The following FBXL17 variants were observed in gnomAD, a reference collection of about 807,000 sequenced individuals.
FBXL17 encodes F-box and leucine rich repeat protein 17.
Under a neutral mutation model 66.2 loss-of-function variants are expected in FBXL17, and 22 were observed. The observed-to-expected ratio is 0.33, with a 90% CI of 0.24 to 0.47. The LOEUF is 0.47. Among genes scored for constraint, FBXL17 ranks in the 20% least tolerant of loss-of-function variants. The pLI is 1.00. For synonymous variants in FBXL17, 474 were observed against 400.5 expected (o/e 1.18, Z -2.19); for missense variants, 878 against 948.2 (o/e 0.93, Z 0.97).
At chr5:108,351,525 A>G (rs1396092677) in intron 3 of FBXL17, among the ~76,000 whole-genome samples, 1 of 152,182 alleles carries the variant, frequency 6.6e-6, no homozygotes, top group Non-Finnish European at 1.5e-5. Context: ...TACAGGGAGC[A>G]AGCAATCTTT....
chr5:108,080,911 A>G (rs375785173), intron 6 of FBXL17, among the ~76,000 whole-genome samples: 9 of 152,330 alleles, frequency 5.9e-5, no homozygotes, highest in African/African-American at 1.9e-4. Flanking sequence ...AGACCTAAAA[A>G]GGTGCCAGAC....
intron 6 of FBXL17, among the ~76,000 whole-genome samples, chr5:108,030,558 T>C (rs1246145851): frequency 6.6e-6 from 1 of 152,160 alleles, no homozygotes; most frequent in African/African-American, 2.4e-5. Context: ...CTTTGGCGTA[T>C]TTTGAAATGA....
At chr5:107,925,920 A>T (rs1216035987) in intron 7 of FBXL17, among the ~76,000 whole-genome samples, 1 of 152,200 alleles carries the variant, frequency 6.6e-6, no homozygotes, top group Admixed American at 6.6e-5. Context: ...ATGCTTTCAC[A>T]GACTTTTTTG....
intron 4 of FBXL17, among the ~76,000 whole-genome samples, chr5:108,316,517 T>C (rs1036607522): frequency 5.3e-5 from 8 of 151,442 alleles, no homozygotes; most frequent in African/African-American, 1.9e-4. Context: ...AAGTATATCA[T>C]ATAAATAATA....
intron 6 of FBXL17, among the ~76,000 whole-genome samples, chr5:108,031,917 T>C (rs1746659384): frequency 6.6e-6 from 1 of 152,158 alleles, no homozygotes. Context: ...GTCTCTTCTA[T>C]AAAATGGAAA....
intron 4 of FBXL17, chr5:108,299,556 A>G (rs1366056628): frequency 2.1e-6 from 2 of 965,020 alleles, no homozygotes; most frequent in African/African-American, 3.5e-5. Context: ...AGATAAAGAT[A>G]TATTTTTCCA....
At chr5:108,272,718 T>G (rs1757326447) in intron 4 of FBXL17, among the ~76,000 whole-genome samples, 2 of 152,194 alleles carry the variant, frequency 1.3e-5, no homozygotes, top group South Asian at 2.1e-4. Flanking sequence ...CTCATTTAAC[T>G]TAGGATAAAA....
chr5:108,347,973 T>C (rs76268046), intron 4 of FBXL17, among the ~76,000 whole-genome samples: 2,026 of 152,286 alleles, frequency 0.013, 45 homozygotes, highest in African/African-American at 0.047. Flanking sequence ...CCATTTTTTA[T>C]GATACTAAGT....
At chr5:108,371,783 T>C (rs1749055268) in intron 1 of FBXL17, among the ~76,000 whole-genome samples, 2 of 152,192 alleles carry the variant, frequency 1.3e-5, no homozygotes, top group Admixed American at 6.5e-5. Flanking sequence ...TAATGACATT[T>C]TAAAATTCAC....
At chr5:107,980,664 A>ATATATATATTTTTTTTTTTTTT in intron 7 of FBXL17, among the ~76,000 whole-genome samples, 3 of 62,106 alleles carry the variant, frequency 4.8e-5, no homozygotes, top group African/African-American at 3.1e-4. Flanking sequence ...ATATATATAT[A>ATATATATATTTTTTTTTTTTTT]TTTTTTTTTT....
chr5:107,993,730 T>G (rs540687086), intron 7 of FBXL17, among the ~76,000 whole-genome samples: 2 of 152,366 alleles, frequency 1.3e-5, no homozygotes, highest in African/African-American at 4.8e-5. Flanking sequence ...ACACATTTTA[T>G]CATTTTTCAG....
chr5:107,882,455 C>T (rs939677297), intron 7 of FBXL17, among the ~76,000 whole-genome samples: 1 of 151,962 alleles, frequency 6.6e-6, no homozygotes, highest in African/African-American at 2.4e-5. Context: ...CAATCATGAT[C>T]CCAGTGTTTT....
At chr5:108,104,063 T>G (rs895299398) in intron 6 of FBXL17, among the ~76,000 whole-genome samples, 2 of 152,160 alleles carry the variant, frequency 1.3e-5, no homozygotes, top group Admixed American at 1.3e-4. Context: ...GAGATGCAGC[T>G]TCACTCTTGT....
chr5:107,928,637 T>C (rs1185324087), intron 7 of FBXL17, among the ~76,000 whole-genome samples: 1 of 152,082 alleles, frequency 6.6e-6, no homozygotes, highest in African/African-American at 2.4e-5. Context: ...GCTTCAAAAA[T>C]TCATTTTTGG....
chr5:107,878,256 T>C (rs1367383180), intron 8 of FBXL17: 6 of 961,924 alleles, frequency 6.2e-6, no homozygotes, highest in Middle Eastern at 5.3e-4. Flanking sequence ...TTCTTTTTAA[T>C]TGTCTTTCAA....
chr5:107,981,876 A>C (rs915766112), intron 7 of FBXL17, among the ~76,000 whole-genome samples: 1 of 152,206 alleles, frequency 6.6e-6, no homozygotes, highest in Non-Finnish European at 1.5e-5. Context: ...ACTTCCCTTC[A>C]TTACGACTGA....
chr5:108,245,622 T>G (rs550756544), intron 4 of FBXL17, among the ~76,000 whole-genome samples: 1 of 152,168 alleles, frequency 6.6e-6, no homozygotes, highest in Non-Finnish European at 1.5e-5. Context: ...AGATGGAGAA[T>G]CCACCATCCA....
rs920544739 is a variant in FBXL17, at chr5:108,381,299, GGCA to G, written c.390_392del (p.Ala132del). On this transcript the variant is annotated inframe_deletion, in exon 1 of 9. Coordinates refer to ENST00000542267, the MANE Select transcript of FBXL17 (RefSeq NM_001163315.3). Reference sequence around the variant, plus strand: ...AGGAGGCGGGCGACGAAGCCGAGGCGGCAGCGGCGGCGGCGGCGGCGGCCGAGG... The same window carrying G: ...AGGAGGCGGGCGACGAAGCCGAGGCGGCGGCGGCGGCGGCGGCGGCCGAGG... 65 of 1,404,924 alleles carry G rather than the reference GGCA, an allele frequency of 4.6e-5. No homozygotes were observed. The highest frequency in any genetic ancestry group is 6.0e-5 in the African/African-American group (4 of 66,358). The allele number at this position is 1,404,924 out of a possible 1,614,324, so 87.0% of individuals were successfully genotyped here. A position where few individuals can be genotyped will look rare whatever the true frequency, so the allele number is the denominator to read the frequency against.
chr5:108,281,869 G>A (rs766078635), intron 4 of FBXL17, among the ~76,000 whole-genome samples: 14 of 151,490 alleles, frequency 9.2e-5, no homozygotes, highest in Non-Finnish European at 1.9e-4. Flanking sequence ...AAATACAAAA[G>A]ATCATCATAC....
Sources: allele counts gnomAD v4.1 joint callset (sites outside exome capture counted in the v4.1 genomes callset), GRCh38; gene constraint gnomAD v4.1.1; transcripts MANE v1.5; gene names NCBI Gene and HGNC (gene_info 2026-07-23, HGNC 2026-07-21).